The following TMEM132D variants were observed in gnomAD, a reference collection of about 807,000 sequenced individuals.
The protein encoded by TMEM132D is transmembrane protein 132D, also known as mature OL transmembrane protein.
TMEM132D carries 21 observed loss-of-function variants against 62.3 expected under a neutral mutation model. The ratio of observed to expected loss-of-function variants is 0.34; its 90% CI spans 0.24 to 0.49. The LOEUF (loss-of-function observed/expected upper bound fraction) is 0.49, where lower values mean the gene tolerates loss of function less well. Ranked by LOEUF, TMEM132D falls within the 20% of genes least tolerant of loss-of-function variation. The probability of loss-of-function intolerance (pLI) is 0.99; values close to 1 mark genes in which losing one functional copy is unlikely to be tolerated. For synonymous variants in TMEM132D, 621 were observed against 575.6 expected, an observed-to-expected ratio of 1.08 and a Z score of -1.13; for missense variants, 1,346 against 1,402.8, an observed-to-expected ratio of 0.96 and a Z score of 0.65.
intron 1 of TMEM132D, among the ~76,000 whole-genome samples, chr12:129,895,007 C>T (rs564554169): frequency 6.6e-6 from 1 of 152,296 alleles, no homozygotes; most frequent in East Asian, 1.9e-4. Flanking sequence ...AGCTGCTCTT[C>T]TGAGGTTTGC....
chr12:129,652,356 C>T (rs1443941608), intron 2 of TMEM132D, among the ~76,000 whole-genome samples: 5 of 152,052 alleles, frequency 3.3e-5, no homozygotes, highest in African/African-American at 7.2e-5. Flanking sequence ...AAAAAATGAC[C>T]GTCAAAAGAT....
At chr12:129,155,046 T>G (rs1186305298) in intron 5 of TMEM132D, among the ~76,000 whole-genome samples, 1 of 152,254 alleles carries the variant, frequency 6.6e-6, no homozygotes, top group African/African-American at 2.4e-5. Context: ...GTTTCATAGA[T>G]GTGCTGTGCA....
chr12:129,570,580 G>A (rs755174018), intron 2 of TMEM132D, among the ~76,000 whole-genome samples: 1 of 152,282 alleles, frequency 6.6e-6, no homozygotes, highest in South Asian at 2.1e-4. Context: ...GCTACCCTAG[G>A]GCAAATGTAA....
chr12:129,454,005 G>C lies in TMEM132D; in HGVS notation c.1115+77054C>G, dbSNP rs567966306. Among the ~76,000 whole-genome samples, 4 of 152,284 alleles carry C rather than the reference G, an allele frequency of 2.6e-5. No homozygotes were observed. The East Asian group carries it at 7.7e-4, about 29-fold the overall frequency. On this transcript the variant is annotated intron_variant, in intron 3 of 8. Coordinates refer to ENST00000422113, the MANE Select transcript of TMEM132D (RefSeq NM_133448.3). ...ACCAGTTGGAGTTATCTTCTAAAATGGGTACCAGGCAGCAACTACAGCAAT... is the reference window on the plus strand; with the variant it reads ...ACCAGTTGGAGTTATCTTCTAAAATCGGTACCAGGCAGCAACTACAGCAAT...
chr12:129,600,175 T>C (rs1878448454), intron 2 of TMEM132D, among the ~76,000 whole-genome samples: 1 of 152,362 alleles, frequency 6.6e-6, no homozygotes. Context: ...TGTTGTCGTT[T>C]CAACAATGCT....
intron 3 of TMEM132D, among the ~76,000 whole-genome samples, chr12:129,381,587 C>T (rs1235758743): frequency 6.6e-6 from 1 of 152,178 alleles, no homozygotes; most frequent in Non-Finnish European, 1.5e-5. Flanking sequence ...AGATTTTCCC[C>T]AACATTCTGT....
chr12:129,333,980 G>A (rs1054634821), intron 4 of TMEM132D, among the ~76,000 whole-genome samples: 2 of 152,090 alleles, frequency 1.3e-5, no homozygotes, highest in African/African-American at 2.4e-5. Flanking sequence ...AATTAGCTGG[G>A]CCTGTTGGCA....
chr12:129,102,934 A>G (rs749147739), intron 5 of TMEM132D, among the ~76,000 whole-genome samples: 1 of 152,240 alleles, frequency 6.6e-6, no homozygotes, highest in Non-Finnish European at 1.5e-5. Context: ...AACCAGAAGC[A>G]GAGTGTGGCA....
At chr12:129,343,844 T>A (rs539936975) in intron 3 of TMEM132D, among the ~76,000 whole-genome samples, 2 of 151,648 alleles carry the variant, frequency 1.3e-5, no homozygotes, top group Non-Finnish European at 2.9e-5. Context: ...GGCAGGAGAA[T>A]TGCTTGAACA....
At chr12:129,452,127 T>C (rs1873309487) in intron 3 of TMEM132D, among the ~76,000 whole-genome samples, 1 of 152,208 alleles carries the variant, frequency 6.6e-6, no homozygotes, top group African/African-American at 2.4e-5. Flanking sequence ...GGAATCATGA[T>C]AGATGATACC....
intron 1 of TMEM132D, among the ~76,000 whole-genome samples, chr12:129,865,227 TGCAGAA>T (rs1874020662): frequency 6.6e-6 from 1 of 152,154 alleles, no homozygotes; most frequent in Admixed American, 6.5e-5. Flanking sequence ...TCTGCAATGG[TGCAGAA>T]GCCTGCAGGA....
intron 2 of TMEM132D, among the ~76,000 whole-genome samples, chr12:129,604,316 C>T (rs1878559953): frequency 6.6e-6 from 1 of 152,110 alleles, no homozygotes; most frequent in Admixed American, 6.5e-5. Flanking sequence ...CACATGTATC[C>T]CAGAACTTAA....
rs531242879 is a variant in TMEM132D at position 129,786,987 on chromosome 12, C to T, written c.80-86289G>A. 7.3e-5 allele frequency among the ~76,000 whole-genome samples: 11 copies of T among 151,332 alleles called. No homozygotes were observed. In the East Asian group the frequency reaches 2.2e-3, roughly 30 times the overall value. On this transcript the variant is annotated intron_variant, in intron 1 of 8. Coordinates refer to ENST00000422113, the MANE Select transcript of TMEM132D (RefSeq NM_133448.3). ...TCCAGGGGCATCGGAATGTGACGGG[C>T]AAGTTGCAGAATGATGAGGGGCTGT...
At chr12:129,614,921 A>G (rs1317060677) in intron 2 of TMEM132D, among the ~76,000 whole-genome samples, 1 of 152,130 alleles carries the variant, frequency 6.6e-6, no homozygotes, top group Non-Finnish European at 1.5e-5. Flanking sequence ...AGAATCTTCC[A>G]TTTCTAACCT....
intron 1 of TMEM132D, among the ~76,000 whole-genome samples, chr12:129,839,505 C>T (rs1445065794): frequency 1.3e-5 from 2 of 151,962 alleles, no homozygotes; most frequent in African/African-American, 2.4e-5. Context: ...TCAGGTGATC[C>T]GCCTGCCTCA....
intron 1 of TMEM132D, among the ~76,000 whole-genome samples, chr12:129,785,291 C>G (rs1158570313): frequency 6.6e-6 from 1 of 152,120 alleles, no homozygotes; most frequent in Non-Finnish European, 1.5e-5. Flanking sequence ...GTATCAGACT[C>G]TAAGAACCAC....
Position 129,779,804 on chromosome 12 carries a change from G to GTC in TMEM132D, c.80-79108_80-79107dup, listed in dbSNP as rs1256167189. On this transcript the variant is annotated intron_variant, in intron 1 of 8. Coordinates refer to ENST00000422113, the MANE Select transcript of TMEM132D (RefSeq NM_133448.3). The surrounding 1 kb of genome is among the most constrained non-coding windows in gnomAD (Gnocchi z 4.1). Reference sequence around the variant, plus strand: ...CACTCAAACTCATGACGGCCTTAAGGTCTCTATGCCACTTGGGGAAGACAG... The same window carrying GTC: ...CACTCAAACTCATGACGGCCTTAAGGTCTCTCTATGCCACTTGGGGAAGACAG... 6.6e-6 allele frequency among the ~76,000 whole-genome samples: 1 copy of GTC among 152,066 alleles called. No homozygotes were observed. Among genetic ancestry groups the GTC allele is most frequent in the Non-Finnish European group, 1.5e-5 (1 of 68,014 alleles).
intron 3 of TMEM132D, among the ~76,000 whole-genome samples, chr12:129,401,628 T>C (rs1039343211): frequency 6.6e-6 from 1 of 152,104 alleles, no homozygotes; most frequent in African/African-American, 2.4e-5. Context: ...CATTTAATCC[T>C]CACCCTAACC....
At chr12:129,683,281 A>G (rs563662308) in intron 2 of TMEM132D, among the ~76,000 whole-genome samples, 103 of 152,346 alleles carry the variant, frequency 6.8e-4, no homozygotes, top group Non-Finnish European at 1.2e-3. Context: ...CTTATAAACT[A>G]TAGGGCCTCT....
Sources: allele counts gnomAD v4.1 joint callset (sites outside exome capture counted in the v4.1 genomes callset), GRCh38; gene constraint gnomAD v4.1.1; non-coding constraint Gnocchi (gnomAD v3.1); transcripts MANE v1.5; gene names NCBI Gene and HGNC (gene_info 2026-07-23, HGNC 2026-07-21).